The following PTPRT variants were observed in gnomAD, a reference collection of about 807,000 sequenced individuals.
The protein encoded by PTPRT is protein tyrosine phosphatase receptor type T, also known as receptor-type tyrosine-protein phosphatase T.
In PTPRT, 56 loss-of-function variants were observed where a neutral mutation model predicts 176.8. The ratio of observed to expected loss-of-function variants is 0.32; its 90% CI spans 0.26 to 0.40. The LOEUF (loss-of-function observed/expected upper bound fraction) is 0.40, where lower values mean the gene tolerates loss of function less well. Among genes scored for constraint, PTPRT ranks in the 10% least tolerant of loss-of-function variants. PTPRT has a pLI of 1.00. For missense variants in PTPRT, 1,540 were observed against 1,908.2 expected (o/e 0.81, Z 3.60); for synonymous variants, 783 against 739.0 (o/e 1.06, Z -0.96).
intron 1 of PTPRT, among the ~76,000 whole-genome samples, chr20:43,043,958 T>C (rs887452805): frequency 3.9e-5 from 6 of 152,048 alleles, no homozygotes; most frequent in Non-Finnish European, 7.4e-5. Flanking sequence ...GAACAGCTGA[T>C]ATGCCCAAGT....
Position 43,049,047 on chromosome 20 carries a change from A to G in PTPRT, c.88+140599T>C, listed in dbSNP as rs2425569. Among the ~76,000 whole-genome samples, 1,011 of 152,292 alleles carry G rather than the reference A, an allele frequency of 6.6e-3. 15 individuals are homozygous for G. Among genetic ancestry groups the G allele is most frequent in the African/African-American group, 0.023 (959 of 41,578 alleles). ...AGCTAAACAAGAGAACGAAATGAAT[A>G]TTCAGCAGCTGGTTCTGCTTCAGAG... On this transcript the variant is annotated intron_variant, in intron 1 of 30. Coordinates refer to ENST00000373187, the MANE Select transcript of PTPRT (RefSeq NM_007050.6).
chr20:42,533,417 C>T (rs1219864238), intron 7 of PTPRT, among the ~76,000 whole-genome samples: 1 of 152,156 alleles, frequency 6.6e-6, no homozygotes, highest in African/African-American at 2.4e-5. Flanking sequence ...ACAGATGGAG[C>T]TGACAAGGAA....
intron 1 of PTPRT, among the ~76,000 whole-genome samples, chr20:42,988,019 C>A (rs543525110): frequency 1.3e-5 from 2 of 152,090 alleles, no homozygotes; most frequent in African/African-American, 4.8e-5. Flanking sequence ...TTATTACAAT[C>A]GAATCTTGGA....
intron 7 of PTPRT, among the ~76,000 whole-genome samples, chr20:42,488,432 C>A (rs1233893280): frequency 6.6e-6 from 1 of 152,200 alleles, no homozygotes; most frequent in African/African-American, 2.4e-5. Flanking sequence ...TTTTACCAAT[C>A]TGATGGGCAC....
intron 9 of PTPRT, among the ~76,000 whole-genome samples, chr20:42,371,446 G>C (rs2058585642): frequency 6.6e-6 from 1 of 152,306 alleles, no homozygotes; most frequent in African/African-American, 2.4e-5. Flanking sequence ...CTCTCCTGCA[G>C]CTACTTCTGA....
chr20:42,700,340 C>G (rs2075956321), intron 6 of PTPRT, among the ~76,000 whole-genome samples: 1 of 152,112 alleles, frequency 6.6e-6, no homozygotes, highest in Admixed American at 6.5e-5. Flanking sequence ...CAGCCCCCAT[C>G]AAGAAGCCTG....
intron 17 of PTPRT, among the ~76,000 whole-genome samples, chr20:42,155,717 G>C (rs1483545023): frequency 6.6e-6 from 1 of 152,118 alleles, no homozygotes; most frequent in African/African-American, 2.4e-5. Context: ...ACGAGAACAA[G>C]CTGATTTTAT....
chr20:42,751,986 TAA>T (rs2076776632), intron 6 of PTPRT, among the ~76,000 whole-genome samples: 1 of 152,158 alleles, frequency 6.6e-6, no homozygotes, highest in Non-Finnish European at 1.5e-5. Context: ...TAGAGAACCC[TAA>T]TAAAAGACCC....
intron 6 of PTPRT, among the ~76,000 whole-genome samples, chr20:42,735,628 C>A (rs1196348807): frequency 1.3e-5 from 2 of 152,230 alleles, no homozygotes; most frequent in Non-Finnish European, 2.9e-5. Context: ...GTCCCCCACA[C>A]ATTGAACTGC....
chr20:42,460,644 C>T (rs2071002332), intron 8 of PTPRT, among the ~76,000 whole-genome samples: 1 of 152,148 alleles, frequency 6.6e-6, no homozygotes, highest in African/African-American at 2.4e-5. Flanking sequence ...TTCTCCTATG[C>T]CATTTTCATG....
At chr20:43,035,377 A>G (rs1377101237) in intron 1 of PTPRT, among the ~76,000 whole-genome samples, 1 of 152,218 alleles carries the variant, frequency 6.6e-6, no homozygotes, top group Non-Finnish European at 1.5e-5. Flanking sequence ...ACCAGAGAGT[A>G]AATATTTCAG....
chr20:43,090,482 A>T, intron 1 of PTPRT, among the ~76,000 whole-genome samples: 1 of 152,024 alleles, frequency 6.6e-6, no homozygotes, highest in South Asian at 2.1e-4. Context: ...TTTAGCCAGG[A>T]TGGTCTTGAT....
At chr20:42,933,909 T>C (rs1377176733) in intron 1 of PTPRT, among the ~76,000 whole-genome samples, 1 of 152,216 alleles carries the variant, frequency 6.6e-6, no homozygotes, top group Non-Finnish European at 1.5e-5. Context: ...CAGTGAGCCA[T>C]ACAATCATGG....
At chr20:42,989,386 C>T (rs1983767407) in intron 1 of PTPRT, among the ~76,000 whole-genome samples, 1 of 152,180 alleles carries the variant, frequency 6.6e-6, no homozygotes, top group Non-Finnish European at 1.5e-5. Context: ...GTAGCACTGC[C>T]GTGGTTTGGG....
intron 4 of PTPRT, among the ~76,000 whole-genome samples, chr20:42,777,646 T>G (rs1472921514): frequency 6.6e-6 from 1 of 152,214 alleles, no homozygotes; most frequent in African/African-American, 2.4e-5. Flanking sequence ...CTTAGTCACT[T>G]AAGTATCACT....
At chr20:42,317,877 T>A (rs2057743502) in intron 11 of PTPRT, among the ~76,000 whole-genome samples, 1 of 152,170 alleles carries the variant, frequency 6.6e-6, no homozygotes, top group South Asian at 2.1e-4. Context: ...CTGTTGTACA[T>A]ACACATCTGA....
chr20:42,293,045 A>G (rs2057340648), intron 12 of PTPRT, among the ~76,000 whole-genome samples: 1 of 152,194 alleles, frequency 6.6e-6, no homozygotes, highest in Non-Finnish European at 1.5e-5. Flanking sequence ...AACTGGACAA[A>G]TGTTCACTAT....
At chr20:42,386,402 G>T (rs1474152401) in intron 9 of PTPRT, among the ~76,000 whole-genome samples, 1 of 152,130 alleles carries the variant, frequency 6.6e-6, no homozygotes, top group Non-Finnish European at 1.5e-5. Flanking sequence ...GAGAGAATTT[G>T]AAGATCCTCT....
At chr20:42,657,562 G>C (rs1201863223) in intron 7 of PTPRT, among the ~76,000 whole-genome samples, 1 of 150,706 alleles carries the variant, frequency 6.6e-6, no homozygotes, top group Admixed American at 6.6e-5. Flanking sequence ...TATTAGTATG[G>C]CTTTGTGGGG....
Sources: allele counts gnomAD v4.1 joint callset (sites outside exome capture counted in the v4.1 genomes callset), GRCh38; gene constraint gnomAD v4.1.1; transcripts MANE v1.5; gene names NCBI Gene and HGNC (gene_info 2026-07-23, HGNC 2026-07-21).